Variants in OR5H14 observed in about 807,000 individuals in gnomAD.
OR5H14 encodes the protein olfactory receptor 5H14.
For missense variants in OR5H14, 392 were observed against 363.9 expected (o/e 1.08, Z -0.63); for synonymous variants, 155 against 130.6 (o/e 1.19, Z -1.28).
rs779265447 is a variant in OR5H14, at chr3:98,149,948, C to A, written c.563C>A (p.Ser188Tyr). ...YCDIIPLLKI[S>Y]YTDSSINFLM... ...GACATTATCCCATTGTTAAAGATTT[C>A]TTATACTGATTCCTCTATTAACTTT... The change falls in exon 2 of 2, where the codon TCT becomes TAT. Residue 188 changes from serine (S) to tyrosine (Y), a missense_variant. Ser to Tyr is a moderately radical substitution (Grantham distance 144). Coordinates refer to ENST00000641380, the MANE Select transcript of OR5H14 (RefSeq NM_001005514.2). The A allele has an allele frequency of 1.2e-6, 2 of 1,613,336 alleles. No individual in the cohort carries two copies. Among genetic ancestry groups the A allele is most frequent in the Non-Finnish European group, 1.7e-6 (2 of 1,179,598 alleles).
At position 98,153,610 on chromosome 3, in the gene OR5H14, T is replaced by C. The variant is rs1427608337; in HGVS notation, c.*3292T>C. The C allele has an allele frequency of 6.6e-6, 1 of 152,164 alleles. No homozygotes were observed. The highest frequency in any genetic ancestry group is 1.5e-5 in the Non-Finnish European group (1 of 68,026). The allele number at this position is 152,164 out of a possible 1,614,324, so 9.4% of individuals were successfully genotyped here. ...AAAAAGAAAAGAAAGTTAGTGGTTA[T>C]AGCAATCTATAAACTTAGTATCTAA... is the stretch of plus-strand genomic sequence containing the variant. On this transcript the variant is annotated 3_prime_UTR_variant, in exon 2 of 2. Coordinates refer to ENST00000641380, the MANE Select transcript of OR5H14 (RefSeq NM_001005514.2).
Position 98,155,260 on chromosome 3 carries a change from T to C in OR5H14, c.*4942T>C, listed in dbSNP as rs920878202. On this transcript the variant is annotated 3_prime_UTR_variant, in exon 2 of 2. Coordinates refer to ENST00000641380, the MANE Select transcript of OR5H14 (RefSeq NM_001005514.2). ...CTACCCTCTGGATTTTTGGAAAGGG[T>C]GATCTGAGTAATAATAAAACTTGAA... 1 of 152,216 alleles carries C rather than the reference T, an allele frequency of 6.6e-6. No homozygotes were observed. The highest frequency in any genetic ancestry group is 1.5e-5 in the Non-Finnish European group (1 of 68,038). The allele number at this position is 152,216 out of a possible 1,614,324, so 9.4% of individuals were successfully genotyped here.
In OR5H14 at chr3:98,150,347, C is replaced by G; in HGVS notation, c.*29C>G. On this transcript the variant is annotated 3_prime_UTR_variant, in exon 2 of 2. Transcript: ENST00000641380. ...ATTACTAATATCTCTTTTCTATTTA[C>G]TAAAATGTCACAAAATTGTGCAAAT... The G allele has an allele frequency of 1.1e-5, 15 of 1,425,092 alleles. No homozygotes were observed. The highest frequency in any genetic ancestry group is 1.4e-5 in the Non-Finnish European group (15 of 1,069,646). The allele number at this position is 1,425,092 out of a possible 1,614,324, so 88.3% of individuals were successfully genotyped here.
At chr3:98,149,236 TTTC>T in intron 1 of OR5H14, 129 bp from the exon 2 acceptor site, 3 of 1,004,968 alleles carry the variant, frequency 3.0e-6, no homozygotes, top group Admixed American at 5.5e-5. Context: ...CCTTATAGGA[TTTC>T]TTATTTATAA....
rs1315777787 is a variant in OR5H14, at chr3:98,151,081, T to C, written c.*763T>C. Reference sequence around the variant, plus strand: ...ATTAAATGAAAAAATAGAACTTAGTTTAAAGTGGGGATAGAAAAGAAAAGA... The same window carrying C: ...ATTAAATGAAAAAATAGAACTTAGTCTAAAGTGGGGATAGAAAAGAAAAGA... On this transcript the variant is annotated 3_prime_UTR_variant, in exon 2 of 2. Coordinates refer to ENST00000641380, the MANE Select transcript of OR5H14 (RefSeq NM_001005514.2). The C allele has an allele frequency of 6.6e-6, 1 of 151,928 alleles. No individual in the cohort carries two copies. The highest frequency in any genetic ancestry group is 1.9e-4 in the East Asian group (1 of 5,172). The allele number at this position is 151,928 out of a possible 1,614,324, so 9.4% of individuals were successfully genotyped here. A position where few individuals can be genotyped will look rare whatever the true frequency, so the allele number is the denominator to read the frequency against.
chr3:98,149,111 A>G (rs1209315647), intron 1 of OR5H14, among the ~76,000 whole-genome samples: 3 of 152,076 alleles, frequency 2.0e-5, no homozygotes, highest in Non-Finnish European at 4.4e-5. Context: ...TGTACCAGAC[A>G]CAGGATTGTT....
rs920999558 is a variant in OR5H14, at chr3:98,155,701, A to G, written c.*5383A>G. 8 of 152,210 alleles carry G rather than the reference A, an allele frequency of 5.3e-5. No individual in the cohort carries two copies. Among genetic ancestry groups the G allele is most frequent in the Admixed American group, 4.6e-4 (7 of 15,262 alleles). The allele number at this position is 152,210 out of a possible 1,614,324, so 9.4% of individuals were successfully genotyped here. On this transcript the variant is annotated 3_prime_UTR_variant, in exon 2 of 2. Transcript: ENST00000641380. Reference sequence around the variant, plus strand: ...AAGTTTACTTGGGGTTGCCTTCTGAAGGGAATCTAGATCTTTGGCCTTATT... The same window carrying G: ...AAGTTTACTTGGGGTTGCCTTCTGAGGGGAATCTAGATCTTTGGCCTTATT...
rs999842551 is a variant in OR5H14, at chr3:98,155,190, C to T, written c.*4872C>T. On this transcript the variant is annotated 3_prime_UTR_variant, in exon 2 of 2. Coordinates refer to ENST00000641380, the MANE Select transcript of OR5H14 (RefSeq NM_001005514.2). ...ATCCCCAACACAACCAATCAGCTTT[C>T]CTCATTCCTTAGACCGCTGCCCAAC... is the stretch of plus-strand genomic sequence containing the variant. The T allele has an allele frequency of 2.0e-5, 3 of 152,276 alleles. No homozygotes were observed. Among genetic ancestry groups the T allele is most frequent in the African/African-American group, 7.2e-5 (3 of 41,476 alleles). 9.4% of individuals were successfully genotyped at this position (152,276 alleles called of 1,614,324 possible). A position where few individuals can be genotyped will look rare whatever the true frequency, so the allele number is the denominator to read the frequency against.
In OR5H14 at chr3:98,150,231, T is replaced by C. The variant is rs1412938720; in HGVS notation, c.846T>C (p.Val282=). The change falls in exon 2 of 2, where the codon GTT becomes GTC. Residue 282 remains valine, a synonymous_variant. Transcript: ENST00000641380. ...AGTCTCTATTTTACACTGTCATAGT[T>C]CCTTTATTAAATCCCATGATCTACA... The part of the protein sequence containing the change: ...MMESLFYTVI[V]PLLNPMIYSL... The C allele has an allele frequency of 3.1e-6, 5 of 1,611,954 alleles. No homozygotes were observed. The highest frequency in any genetic ancestry group is 3.4e-6 in the Non-Finnish European group (4 of 1,178,990).
At chr3:98,149,314 C>G in intron 1 of OR5H14, 54 bp from the exon 2 acceptor site, 1 of 1,555,416 alleles carries the variant, frequency 6.4e-7, no homozygotes. Context: ...TTCCCAATTT[C>G]AACTCATAAT....
intron 1 of OR5H14, among the ~76,000 whole-genome samples, chr3:98,149,077 C>T (rs1351054645): frequency 6.6e-6 from 1 of 152,028 alleles, no homozygotes; most frequent in Non-Finnish European, 1.5e-5. Context: ...ATTTCAAAAA[C>T]CTATTCCCCA....
At chr3:98,148,456 G>C (rs1708451074) in intron 1 of OR5H14, among the ~76,000 whole-genome samples, 1 of 151,934 alleles carries the variant, frequency 6.6e-6, no homozygotes, top group South Asian at 2.1e-4. Flanking sequence ...TCATATTGCT[G>C]ATTGGATCTC....
At position 98,148,041 on chromosome 3, in the gene OR5H14, C is replaced by T. The variant is rs1708445559; in HGVS notation, c.-19+487C>T. 4 of 151,746 alleles carry T rather than the reference C, an allele frequency of 2.6e-5. No homozygotes were observed. In the South Asian group the frequency reaches 8.3e-4, roughly 32 times the overall value. The allele number at this position is 151,746 out of a possible 1,614,324, so 9.4% of individuals were successfully genotyped here. Reference sequence around the variant, plus strand: ...ATGTTATTGATGTAAATAAAGGTACCTTTAAGTAGGGTCCTGGTAATTCTG... The same window carrying T: ...ATGTTATTGATGTAAATAAAGGTACTTTTAAGTAGGGTCCTGGTAATTCTG... On this transcript the variant is annotated intron_variant, in intron 1 of 1. Coordinates refer to ENST00000641380, the MANE Select transcript of OR5H14 (RefSeq NM_001005514.2).
rs1252604027 is a variant in OR5H14 at position 98,155,490 on chromosome 3, T to C, written c.*5172T>C. On this transcript the variant is annotated 3_prime_UTR_variant, in exon 2 of 2. Transcript: ENST00000641380. ...AAACTAATCCGATAGAATGATAGAA[T>C]GCCATTATGAAGTTATAGTGACAGC... 1 of 152,246 alleles carries C rather than the reference T, an allele frequency of 6.6e-6. No individual in the cohort carries two copies. Among genetic ancestry groups the C allele is most frequent in the Non-Finnish European group, 1.5e-5 (1 of 68,038 alleles). 9.4% of individuals were successfully genotyped at this position (152,246 alleles called of 1,614,324 possible). A position where few individuals can be genotyped will look rare whatever the true frequency, so the allele number is the denominator to read the frequency against.
In OR5H14 at chr3:98,154,742, C is replaced by T. The variant is rs1454088182; in HGVS notation, c.*4424C>T. On this transcript the variant is annotated 3_prime_UTR_variant, in exon 2 of 2. Coordinates refer to ENST00000641380, the MANE Select transcript of OR5H14 (RefSeq NM_001005514.2). ...GACAGTGAATCTGAAATAAGAAAAT[C>T]AGGCAGTGCTTCTAATCTCCAAGCT... The T allele has an allele frequency of 6.6e-6, 1 of 152,194 alleles. No individual in the cohort carries two copies. Among genetic ancestry groups the T allele is most frequent in the Non-Finnish European group, 1.5e-5 (1 of 68,014 alleles). 9.4% of individuals were successfully genotyped at this position (152,194 alleles called of 1,614,324 possible).
chr3:98,148,932 C>T (rs1264540577), intron 1 of OR5H14, among the ~76,000 whole-genome samples: 1 of 151,676 alleles, frequency 6.6e-6, no homozygotes, highest in African/African-American at 2.4e-5. Context: ...ATTTTCTACA[C>T]TATCAAAAAT....
In OR5H14 at chr3:98,150,496, G is replaced by C. The variant is rs556823255; in HGVS notation, c.*178G>C. ...AAAATATTCCTATGTTATTCAAAAG[G>C]ATTTGAGAAATTTTAATCAAGTCTT... is the stretch of plus-strand genomic sequence containing the variant. On this transcript the variant is annotated 3_prime_UTR_variant, in exon 2 of 2. Coordinates refer to ENST00000641380, the MANE Select transcript of OR5H14 (RefSeq NM_001005514.2). 1.5e-4 allele frequency: 64 copies of C among 437,118 alleles called. No homozygotes were observed. Among genetic ancestry groups the C allele is most frequent in the African/African-American group, 8.7e-4 (43 of 49,452 alleles). The allele number at this position is 437,118 out of a possible 1,614,324, so 27.1% of individuals were successfully genotyped here. A position where few individuals can be genotyped will look rare whatever the true frequency, so the allele number is the denominator to read the frequency against.
intron 1 of OR5H14, among the ~76,000 whole-genome samples, chr3:98,148,444 G>T (rs1310867909): frequency 1.3e-5 from 2 of 151,878 alleles, no homozygotes; most frequent in African/African-American, 2.4e-5. Flanking sequence ...GCTCTAACAG[G>T]CTCATATTGC....
At chr3:98,149,025 T>C (rs1708459917) in intron 1 of OR5H14, among the ~76,000 whole-genome samples, 1 of 152,060 alleles carries the variant, frequency 6.6e-6, no homozygotes, top group African/African-American at 2.4e-5. Context: ...TTAAGATTCT[T>C]CACGTGGCAT....
Sources: gnomAD v4.1 joint callset for allele counts (sites outside exome capture counted in the v4.1 genomes callset) on GRCh38, gnomAD v4.1.1 for gene constraint, MANE v1.5 for transcripts, NCBI Gene and HGNC (gene_info 2026-07-23, HGNC 2026-07-21) for gene names.